Variants in DPP10 observed in about 807,000 individuals in gnomAD.
The protein encoded by DPP10 is inactive dipeptidyl peptidase 10.
DPP10 carries 33 observed loss-of-function variants against 120.9 expected under a neutral mutation model. The ratio of observed to expected loss-of-function variants is 0.27; its 90% CI spans 0.21 to 0.37. The LOEUF is 0.37. Ranked by LOEUF, DPP10 falls within the 10% of genes least tolerant of loss-of-function variation. DPP10 has a pLI of 1.00. For synonymous variants in DPP10, 337 were observed against 326.1 expected (o/e 1.03, Z -0.36); for missense variants, 816 against 942.8 (o/e 0.87, Z 1.76).
chr2:115,769,513 C>T (rs942157848), intron 13 of DPP10, among the ~76,000 whole-genome samples: 3 of 151,556 alleles, frequency 2.0e-5, no homozygotes, highest in Non-Finnish European at 4.4e-5. Context: ...TTAATTACGA[C>T]TGAAAGAAAT....
intron 1 of DPP10, among the ~76,000 whole-genome samples, chr2:115,057,459 T>A (rs1706016259): frequency 6.6e-6 from 1 of 152,166 alleles, no homozygotes; most frequent in South Asian, 2.1e-4. Context: ...CCAGCAGCCC[T>A]ATGAAAGTAG....
At chr2:114,924,555 G>GA (rs907197244) in intron 1 of DPP10, among the ~76,000 whole-genome samples, 9 of 150,600 alleles carry the variant, frequency 6.0e-5, no homozygotes, top group East Asian at 3.9e-4. Context: ...GAAAAAGAAG[G>GA]AAAAAAAAGC....
At chr2:114,729,219 T>A (rs1219523090) in intron 1 of DPP10, among the ~76,000 whole-genome samples, 1 of 152,218 alleles carries the variant, frequency 6.6e-6, no homozygotes, top group Non-Finnish European at 1.5e-5. Flanking sequence ...AGCAAAACTT[T>A]TAATACACAT....
rs192052545 is a variant in DPP10, at chr2:115,040,643, G to C, written c.61-268596G>C. 9.7e-4 allele frequency among the ~76,000 whole-genome samples: 148 copies of C among 152,046 alleles called. 1 individual carries two copies. The Middle Eastern group carries it at 0.02, about 21-fold the overall frequency. ...ATCCCCAGCATTGGAGGTGGGGCCT[G>C]GTGGGAGGTGACTGGATCTTGGGGG... On this transcript the variant is annotated intron_variant, in intron 1 of 25. Coordinates refer to ENST00000410059, the MANE Select transcript of DPP10 (RefSeq NM_020868.6).
intron 3 of DPP10, among the ~76,000 whole-genome samples, chr2:115,374,150 G>A (rs549026336): frequency 2.0e-5 from 3 of 152,160 alleles, no homozygotes; most frequent in South Asian, 2.1e-4. Context: ...AACCAATCAT[G>A]CCTTCCAAAC....
intron 1 of DPP10, among the ~76,000 whole-genome samples, chr2:114,919,713 C>G (rs1487367412): frequency 6.6e-6 from 1 of 152,164 alleles, no homozygotes; most frequent in Non-Finnish European, 1.5e-5. Context: ...CACTGGTCTT[C>G]AATAACTATT....
At chr2:114,968,132 C>T (rs999936583) in intron 1 of DPP10, among the ~76,000 whole-genome samples, 1 of 152,198 alleles carries the variant, frequency 6.6e-6, no homozygotes, top group African/African-American at 2.4e-5. Flanking sequence ...TAAAGCATAA[C>T]ATCTAAAAAT....
At chr2:115,780,001 C>T (rs1682559283) in intron 15 of DPP10, among the ~76,000 whole-genome samples, 4 of 151,908 alleles carry the variant, frequency 2.6e-5, no homozygotes, top group African/African-American at 9.7e-5. Context: ...TATTGCACAT[C>T]AAAATCAACG....
chr2:115,164,100 A>G (rs2104995205), intron 1 of DPP10, among the ~76,000 whole-genome samples: 1 of 152,242 alleles, frequency 6.6e-6, no homozygotes, highest in African/African-American at 2.4e-5. Flanking sequence ...TGATTTGAAA[A>G]TGTCAGTTTT....
chr2:114,805,929 A>G (rs370348685), intron 1 of DPP10, among the ~76,000 whole-genome samples: 1 of 152,190 alleles, frequency 6.6e-6, no homozygotes, highest in Non-Finnish European at 1.5e-5. Flanking sequence ...CATGGAGGGG[A>G]AACTGGAGAC....
intron 2 of DPP10, among the ~76,000 whole-genome samples, chr2:115,314,493 A>G: frequency 6.6e-6 from 1 of 152,200 alleles, no homozygotes; most frequent in Non-Finnish European, 1.5e-5. Context: ...TGCACAGTAG[A>G]TGGTCTTTGC....
intron 1 of DPP10, among the ~76,000 whole-genome samples, chr2:114,644,380 A>G (rs924106995): frequency 6.7e-6 from 1 of 149,568 alleles, no homozygotes; most frequent in African/African-American, 2.5e-5. Flanking sequence ...GTGTGTGTGT[A>G]TTATATATAC....
intron 3 of DPP10, among the ~76,000 whole-genome samples, chr2:115,428,400 T>A (rs1372089850): frequency 2.0e-5 from 3 of 152,116 alleles, no homozygotes; most frequent in Non-Finnish European, 2.9e-5. Context: ...ATAAAGAAAA[T>A]AGGTTTACTT....
intron 1 of DPP10, among the ~76,000 whole-genome samples, chr2:114,962,059 C>T (rs1200811968): frequency 6.6e-6 from 1 of 152,138 alleles, no homozygotes; most frequent in Non-Finnish European, 1.5e-5. Flanking sequence ...GCTACAAATA[C>T]TATCTCTGCT....
intron 5 of DPP10, among the ~76,000 whole-genome samples, chr2:115,605,635 A>G (rs1320272276): frequency 6.6e-6 from 1 of 152,074 alleles, no homozygotes; most frequent in African/African-American, 2.4e-5. Flanking sequence ...AATTTCTATT[A>G]ATTGTCAGAT....
intron 1 of DPP10, among the ~76,000 whole-genome samples, chr2:114,644,322 A>G (rs535146338): frequency 6.7e-6 from 1 of 150,178 alleles, no homozygotes; most frequent in African/African-American, 2.5e-5. Flanking sequence ...CCTACCTAAT[A>G]TAGTTTCCTC....
At chr2:114,513,523 A>C (rs1684337654) in intron 1 of DPP10, among the ~76,000 whole-genome samples, 1 of 19,996 alleles carries the variant, frequency 5.0e-5, no homozygotes, top group Non-Finnish European at 1.1e-4. Context: ...CTCTACCTCA[A>C]AAAAAAAAAA....
At chr2:114,484,551 G>A (rs1035780141) in intron 1 of DPP10, among the ~76,000 whole-genome samples, 1 of 152,060 alleles carries the variant, frequency 6.6e-6, no homozygotes, top group Admixed American at 6.6e-5. Context: ...TAACTATGTT[G>A]TTTTGTGGTT....
intron 1 of DPP10, among the ~76,000 whole-genome samples, chr2:114,893,338 C>T (rs774204193): frequency 2.6e-5 from 4 of 152,174 alleles, no homozygotes; most frequent in South Asian, 2.1e-4. Context: ...TTACCAGAGA[C>T]GCAGATTAAA....
Sources: allele counts gnomAD v4.1 joint callset (sites outside exome capture counted in the v4.1 genomes callset), GRCh38; gene constraint gnomAD v4.1.1; transcripts MANE v1.5; gene names NCBI Gene and HGNC (gene_info 2026-07-23, HGNC 2026-07-21).